The following TRAPPC9 variants were observed in gnomAD, a reference collection of about 807,000 sequenced individuals.
TRAPPC9 encodes the protein IKK2 binding protein.
TRAPPC9 carries 83 observed loss-of-function variants against 124.0 expected under a neutral mutation model. That is an observed-to-expected ratio of 0.67 (90% CI 0.56 to 0.80). The LOEUF (loss-of-function observed/expected upper bound fraction) is 0.80, where lower values mean the gene tolerates loss of function less well. Among genes scored for constraint, TRAPPC9 ranks in the 30% least tolerant of loss-of-function variants. The probability of loss-of-function intolerance (pLI) is 0.00; values close to 1 mark genes in which losing one functional copy is unlikely to be tolerated. For missense variants in TRAPPC9, 1,302 were observed against 1,508.3 expected, an observed-to-expected ratio of 0.86 and a Z score of 2.27; for synonymous variants, 638 against 617.5, an observed-to-expected ratio of 1.03 and a Z score of -0.49.
chr8:140,443,967 C>T (rs1273112577), intron 2 of TRAPPC9, among the ~76,000 whole-genome samples: 1 of 134,526 alleles, frequency 7.4e-6, no homozygotes, highest in African/African-American at 2.8e-5. Context: ...ACCGGGGAGG[C>T]GGAGCTTGCA....
At chr8:139,799,522 T>G (rs1823324496) in intron 21 of TRAPPC9, among the ~76,000 whole-genome samples, 1 of 152,154 alleles carries the variant, frequency 6.6e-6, no homozygotes, top group Admixed American at 6.5e-5. Context: ...ACTGAAGCCA[T>G]CAGTCCACTG....
At chr8:139,749,704 C>T (rs888758527) in intron 21 of TRAPPC9, among the ~76,000 whole-genome samples, 7 of 152,122 alleles carry the variant, frequency 4.6e-5, no homozygotes, top group Non-Finnish European at 1.0e-4. Flanking sequence ...AGAGCACAAA[C>T]GGGAAGGACA....
intron 17 of TRAPPC9, among the ~76,000 whole-genome samples, chr8:140,036,188 CT>C (rs1247553727): frequency 3.3e-5 from 5 of 150,766 alleles, no homozygotes; most frequent in Non-Finnish European, 7.4e-5. Context: ...CCTTCGAAGA[CT>C]TTTTAGCTAA....
intron 21 of TRAPPC9, among the ~76,000 whole-genome samples, chr8:139,837,047 G>T (rs1217052420): frequency 6.6e-6 from 1 of 152,056 alleles, no homozygotes; most frequent in East Asian, 1.9e-4. Context: ...GACCTGTACA[G>T]GTGACAGTTA....
chr8:140,020,891 CCT>C (rs1177390563), intron 18 of TRAPPC9, among the ~76,000 whole-genome samples: 8 of 152,126 alleles, frequency 5.3e-5, no homozygotes, highest in African/African-American at 1.7e-4. Context: ...TAAAAATTGT[CCT>C]CTTTTTCTCT....
Position 140,399,724 on chromosome 8 carries a change from G to A in TRAPPC9, c.1009-1979C>T, listed in dbSNP as rs2069204596. Reference sequence around the variant, plus strand: ...CTTGTCTCAGATGAGACTTTGAAGTGTGGACTTCTGAGTCACTGCTGAAAT... The same window carrying A: ...CTTGTCTCAGATGAGACTTTGAAGTATGGACTTCTGAGTCACTGCTGAAAT... On this transcript the variant is annotated intron_variant, in intron 6 of 22. Transcript: ENST00000438773. Among the ~76,000 whole-genome samples the A allele has an allele frequency of 2.0e-5, 3 of 152,328 alleles. No homozygotes were observed. The South Asian group carries it at 6.2e-4, about 32-fold the overall frequency.
At position 140,283,924 on chromosome 8, in the gene TRAPPC9, C is replaced by G. The variant is rs200235924; in HGVS notation, c.2079G>C (p.Ala693=). ...AGGTGCTGATCTGCAGTCTTGGCAA[C>G]GCGGGAATGACTTCCACTGTGGAGC... is the stretch of plus-strand genomic sequence containing the variant. ...TSGSTVEVIP[A]LPRLQISTSL... The change falls in exon 14 of 23, where the codon GCG becomes GCC. Residue 693 remains alanine, a synonymous_variant. Transcript: ENST00000438773. 1 of 1,614,070 alleles carries G rather than the reference C, an allele frequency of 6.2e-7. No individual in the cohort carries two copies. The highest frequency in any genetic ancestry group is 2.2e-5 in the East Asian group (1 of 44,876).
intron 19 of TRAPPC9, among the ~76,000 whole-genome samples, chr8:139,923,911 T>C (rs1408012461): frequency 6.6e-6 from 1 of 152,230 alleles, no homozygotes; most frequent in Non-Finnish European, 1.5e-5. Context: ...ATTACATATT[T>C]CATCAATTCT....
At chr8:140,197,399 A>C (rs1426715925) in intron 17 of TRAPPC9, among the ~76,000 whole-genome samples, 1 of 151,738 alleles carries the variant, frequency 6.6e-6, no homozygotes, top group African/African-American at 2.4e-5. Context: ...CCTCCTCCTC[A>C]CTTTGCAGAT....
chr8:140,375,796 G>T (rs187649895), intron 7 of TRAPPC9, among the ~76,000 whole-genome samples: 4 of 152,158 alleles, frequency 2.6e-5, no homozygotes, highest in Non-Finnish European at 5.9e-5. Flanking sequence ...CTTCTCAAAC[G>T]TGGGCACTTG....
chr8:139,842,845 A>G (rs1007971340), intron 21 of TRAPPC9, among the ~76,000 whole-genome samples: 2 of 152,226 alleles, frequency 1.3e-5, no homozygotes, highest in Non-Finnish European at 2.9e-5. Flanking sequence ...TAGCAGCTGC[A>G]CTGCCAGGTC....
chr8:139,798,943 C>T (rs999954426), intron 21 of TRAPPC9, among the ~76,000 whole-genome samples: 20 of 152,152 alleles, frequency 1.3e-4, no homozygotes, highest in South Asian at 2.1e-4. Flanking sequence ...TCAAGCTTTT[C>T]GGGGCCACTG....
At chr8:139,750,752 A>T (rs902787454) in intron 21 of TRAPPC9, among the ~76,000 whole-genome samples, 1 of 152,204 alleles carries the variant, frequency 6.6e-6, no homozygotes, top group African/African-American at 2.4e-5. Context: ...GGACCATTCA[A>T]ACTGCACCTG....
intron 21 of TRAPPC9, among the ~76,000 whole-genome samples, chr8:139,795,078 AAAT>A (rs748247494): frequency 7.4e-4 from 113 of 152,260 alleles, no homozygotes; most frequent in Non-Finnish European, 1.3e-3. Flanking sequence ...CCCCAAGAAA[AAAT>A]AACTTATCAG....
rs763250068 is a variant in TRAPPC9, at chr8:140,311,326, G to A, written c.1544C>T (p.Pro515Leu). Residue 515 changes from proline to leucine, a missense_variant, in exon 10 of 23, where the codon CCT (proline) becomes CTT (leucine). Transcript: ENST00000438773. ...QSLENYTSKC[P>L]GTMEPIALPG... ...GAGGGCGATGGGCTCCATGGTCCCA[G>A]GACACTTGGACGTATAGTTCTCTAG... 28 of 1,613,908 alleles carry A rather than the reference G, an allele frequency of 1.7e-5. No individual in the cohort carries two copies. Among genetic ancestry groups the A allele is most frequent in the Non-Finnish European group, 2.2e-5 (26 of 1,180,040 alleles).
intron 17 of TRAPPC9, among the ~76,000 whole-genome samples, chr8:140,153,872 A>G (rs2061587871): frequency 6.6e-6 from 1 of 152,086 alleles, no homozygotes; most frequent in African/African-American, 2.4e-5. Flanking sequence ...CTTTTGTAAC[A>G]TACCCCATGC....
intron 19 of TRAPPC9, among the ~76,000 whole-genome samples, chr8:139,934,876 C>T (rs1436359544): frequency 6.6e-6 from 1 of 152,328 alleles, no homozygotes; most frequent in East Asian, 1.9e-4. Flanking sequence ...ATAGGAGCCC[C>T]AGCACTGCCA....
At chr8:140,080,747 C>T (rs1843769049) in intron 17 of TRAPPC9, among the ~76,000 whole-genome samples, 1 of 152,196 alleles carries the variant, frequency 6.6e-6, no homozygotes, top group Non-Finnish European at 1.5e-5. Context: ...AAACCACATC[C>T]AAACCATAGC....
At chr8:139,919,143 C>T (rs188950821) in intron 19 of TRAPPC9, among the ~76,000 whole-genome samples, 37 of 152,320 alleles carry the variant, frequency 2.4e-4, no homozygotes, top group Admixed American at 1.8e-3. Context: ...GGGCTGCATT[C>T]GGGAAGGGGT....
Sources: allele counts gnomAD v4.1 joint callset (sites outside exome capture counted in the v4.1 genomes callset), GRCh38; gene constraint gnomAD v4.1.1; transcripts MANE v1.5; gene names NCBI Gene and HGNC (gene_info 2026-07-23, HGNC 2026-07-21).